Variants in SLC44A4 observed in about 807,000 individuals in gnomAD.
SLC44A4 encodes the protein solute carrier family 44 member 4.
In SLC44A4, 74 loss-of-function variants were observed where a neutral mutation model predicts 97.0. The observed-to-expected ratio is 0.76, with a 90% confidence interval of 0.63 to 0.93. The LOEUF (loss-of-function observed/expected upper bound fraction) is 0.93. Ranked by LOEUF, SLC44A4 falls within the 40% of genes least tolerant of loss-of-function variation. The pLI is 0.00. For missense variants in SLC44A4, 799 were observed against 902.9 expected (o/e 0.88, Z 1.48); for synonymous variants, 325 against 363.8 (o/e 0.89, Z 1.21).
At chr6:31,867,688 T>C (rs1342183696) in intron 13 of SLC44A4, among the ~76,000 whole-genome samples, 4 of 151,046 alleles carry the variant, frequency 2.6e-5, no homozygotes, top group Non-Finnish European at 5.9e-5. Context: ...ATCGCATCAC[T>C]GCACTCCAGC....
At chr6:31,875,131 GC>G in intron 4 of SLC44A4, 103 bp from the exon 5 acceptor site, 1 of 887,982 alleles carries the variant, frequency 1.1e-6, no homozygotes, top group Non-Finnish European at 1.8e-6. Context: ...GCCCAGCCCA[GC>G]GTGGCCCATA....
intron 20 of SLC44A4, 33 bp downstream of exon 20, chr6:31,864,619 G>A (rs1185476611): frequency 6.3e-7 from 1 of 1,589,664 alleles, no homozygotes; most frequent in Non-Finnish European, 8.6e-7. Context: ...AGTACTTTAA[G>A]GTTGGGGACA....
chr6:31,869,675 GCTGT>G, intron 11 of SLC44A4, 38 bp from the exon 12 acceptor site: 1 of 1,527,722 alleles, frequency 6.5e-7, no homozygotes, highest in Non-Finnish European at 8.9e-7. Context: ...CACCGCCCCA[GCTGT>G]CCATCTTCTC....
chr6:31,876,033 G>C lies in SLC44A4; in HGVS notation c.163+23C>G. On this transcript the variant is annotated intron_variant, in intron 3 of 20. Coordinates refer to ENST00000229729, the MANE Select transcript of SLC44A4 (RefSeq NM_025257.3). The surrounding 1 kb of genome is among the most constrained non-coding windows in gnomAD (Gnocchi z 4.8). ...TTCCTGTCCCTCACCCACTGCCCTGGCTCTGAGCAGCTGGAAACTCACCCA... is the reference window on the plus strand; with the variant it reads ...TTCCTGTCCCTCACCCACTGCCCTGCCTCTGAGCAGCTGGAAACTCACCCA... 1 of 1,613,704 alleles carries C rather than the reference G, an allele frequency of 6.2e-7. No individual in the cohort carries two copies. The highest frequency in any genetic ancestry group is 8.5e-7 in the Non-Finnish European group (1 of 1,179,688).
Position 31,876,211 on chromosome 6 carries a change from A to G in SLC44A4, c.90-82T>C, listed in dbSNP as rs1763437867. Reference sequence around the variant, plus strand: ...ATGGTCTGGAGGGGTTAAGGGTTAGAGAGTTGGGTGATGCTGCAGCATGGG... The same window carrying G: ...ATGGTCTGGAGGGGTTAAGGGTTAGGGAGTTGGGTGATGCTGCAGCATGGG... On this transcript the variant is annotated intron_variant, in intron 2 of 20. Coordinates refer to ENST00000229729, the MANE Select transcript of SLC44A4 (RefSeq NM_025257.3). The surrounding 1 kb of genome is among the most constrained non-coding windows in gnomAD (Gnocchi z 4.8). 2 of 1,075,760 alleles carry G rather than the reference A, an allele frequency of 1.9e-6. No individual in the cohort carries two copies. The highest frequency in any genetic ancestry group is 2.7e-6 in the Non-Finnish European group (2 of 737,548). 66.6% of individuals were successfully genotyped at this position (1,075,760 alleles called of 1,614,324 possible). A position where few individuals can be genotyped will look rare whatever the true frequency, so the allele number is the denominator to read the frequency against.
chr6:31,874,927 A>C lies in SLC44A4; in HGVS notation c.342+2T>G, dbSNP rs1180319132. On this transcript the variant is annotated splice_donor_variant, in intron 5 of 20. Transcript: ENST00000229729. LOFTEE classifies it high-confidence loss of function. This position sits in a 1 kb window ranked among gnomAD's most constrained non-coding sequence, Gnocchi z 4.8. ...GGGTAGAGGCAGGTCCCAGGCTCTGACCTGGGGTGTGGGGCACTGTAGGCC... is the reference window on the plus strand; with the variant it reads ...GGGTAGAGGCAGGTCCCAGGCTCTGCCCTGGGGTGTGGGGCACTGTAGGCC... 3.7e-6 allele frequency: 6 copies of C among 1,613,398 alleles called. No homozygotes were observed. The highest frequency in any genetic ancestry group is 5.1e-6 in the Non-Finnish European group (6 of 1,179,656).
Position 31,864,646 on chromosome 6 carries a change from A to G in SLC44A4, c.2011+6T>C, listed in dbSNP as rs1320693646. The G allele has an allele frequency of 5.0e-6, 8 of 1,613,378 alleles. No homozygotes were observed. The highest frequency in any genetic ancestry group is 6.8e-6 in the Non-Finnish European group (8 of 1,179,726). ...TTGGGGACAGGTGGCTGGGGGTGTC[A>G]CTCACGGAAGCAGAGGAAGAGCGTG... On this transcript the variant is annotated splice_donor_region_variant and intron_variant, in intron 20 of 20. Coordinates refer to ENST00000229729, the MANE Select transcript of SLC44A4 (RefSeq NM_025257.3).
chr6:31,871,513 GGGAGCGCCGGT>G lies in SLC44A4; in HGVS notation c.567_577del (p.Pro190ArgfsTer5). 6.2e-7 allele frequency: 1 copy of G among 1,613,924 alleles called. No individual in the cohort carries two copies. The highest frequency in any genetic ancestry group is 8.5e-7 in the Non-Finnish European group (1 of 1,179,898). On this transcript the variant is annotated frameshift_variant, in exon 8 of 21. Transcript: ENST00000229729. LOFTEE classifies it high-confidence loss of function. ...TATGGTGGTGTCATTGGTGATCCCT[GGGAGCGCCGGT>G]GGAGTAACGTTGGTCCATGGAAAGC...
rs772801407 is a variant in SLC44A4, at chr6:31,865,510, A to C, written c.1674T>G (p.Asn558Lys). The C allele has an allele frequency of 1.9e-6, 3 of 1,606,246 alleles. No homozygotes were observed. The South Asian group carries it at 3.3e-5, about 18-fold the overall frequency. Reference sequence around the variant, plus strand: ...CAGTGTAGCTCACCATGATGTATGCATTGCGGTTTAGGAACTTGATAAATT... The same window carrying C: ...CAGTGTAGCTCACCATGATGTATGCCTTGCGGTTTAGGAACTTGATAAATT... The part of the protein sequence containing the change: ...LEKFIKFLNR[N>K]AYIMIAIYGK... Residue 558 changes from asparagine to lysine, a missense_variant, in exon 16 of 21, where the codon AAT (asparagine) becomes AAG (lysine). By Grantham distance (94) the Asn-to-Lys change is moderately conservative (BLOSUM62 0). This residue lies in a region of SLC44A4 where 379 missense variants were observed against 438.3 expected (regional missense o/e 0.86). Coordinates refer to ENST00000229729, the MANE Select transcript of SLC44A4 (RefSeq NM_025257.3). The surrounding 1 kb of genome is among the most constrained non-coding windows in gnomAD (Gnocchi z 5.2).
intron 11 of SLC44A4, 145 bp from the exon 12 acceptor site, chr6:31,869,782 G>A (rs1235414993): frequency 2.5e-5 from 16 of 638,260 alleles, no homozygotes; most frequent in South Asian, 7.3e-5. Flanking sequence ...TCAGGAGATC[G>A]AGACCATGCT....
Position 31,864,807 on chromosome 6 carries a change from G to A in SLC44A4, c.1926+9C>T. 1.2e-6 allele frequency: 2 copies of A among 1,613,972 alleles called. No individual in the cohort carries two copies. Among genetic ancestry groups the A allele is most frequent in the Non-Finnish European group, 1.7e-6 (2 of 1,179,912 alleles). On this transcript the variant is annotated intron_variant, in intron 19 of 20. Transcript: ENST00000229729. ...TGGGGGTGGAGCAGCAGAGAGGGGA[G>A]TCACTCACCATGATGGGCAGCCAGT...
chr6:31,866,921 A>G (rs1762901576), intron 13 of SLC44A4, among the ~76,000 whole-genome samples: 1 of 151,840 alleles, frequency 6.6e-6, no homozygotes, highest in Non-Finnish European at 1.5e-5. Flanking sequence ...ATAGGTGAGG[A>G]TATAGATGAA....
chr6:31,868,009 GTT>G (rs1762955063), intron 13 of SLC44A4, among the ~76,000 whole-genome samples: 1 of 152,036 alleles, frequency 6.6e-6, no homozygotes, highest in Non-Finnish European at 1.5e-5. Flanking sequence ...GTGGAGACAG[GTT>G]TTTGTCATGT....
At position 31,864,848 on chromosome 6, in the gene SLC44A4, G is replaced by T. The variant is rs769999421; in HGVS notation, c.1894C>A (p.Pro632Thr). 4 of 1,614,068 alleles carry T rather than the reference G, an allele frequency of 2.5e-6. No individual in the cohort carries two copies. Among genetic ancestry groups the T allele is most frequent in the Non-Finnish European group, 3.4e-6 (4 of 1,179,992 alleles). The change falls in exon 19 of 21, where the codon CCC (proline) becomes ACC (threonine). Residue 632 changes from proline to threonine, a missense_variant. Transcript: ENST00000229729. ...GGCAGCCAGTAATAGTTGAGGTGGGGGCTCTTAAAGTCTTTACCCAGCCCC... is the reference window on the plus strand; with the variant it reads ...GGCAGCCAGTAATAGTTGAGGTGGGTGCTCTTAAAGTCTTTACCCAGCCCC... ...IPGLGKDFKSPHLNYYWLPIM... is the reference protein window; with the variant it reads ...IPGLGKDFKSTHLNYYWLPIM...
At position 31,868,575 on chromosome 6, in the gene SLC44A4, C is replaced by T. The variant is rs980495176; in HGVS notation, c.1233+580G>A. Among the ~76,000 whole-genome samples, 5 of 152,094 alleles carry T rather than the reference C, an allele frequency of 3.3e-5. No homozygotes were observed. The South Asian group carries it at 8.3e-4, about 25-fold the overall frequency. ...GGATTGCTTGGGTACCTGACTACAT[C>T]GGGGCAACCCCAGGAGTTCAAGACC... On this transcript the variant is annotated intron_variant, in intron 13 of 20. Coordinates refer to ENST00000229729, the MANE Select transcript of SLC44A4 (RefSeq NM_025257.3).
chr6:31,876,252 T>C lies in SLC44A4; in HGVS notation c.90-123A>G. 1.5e-6 allele frequency: 1 copy of C among 655,882 alleles called. No individual in the cohort carries two copies. Among genetic ancestry groups the C allele is most frequent in the African/African-American group, 1.8e-5 (1 of 54,288 alleles). 40.6% of individuals were successfully genotyped at this position (655,882 alleles called of 1,614,324 possible). The stretch of plus-strand genomic sequence containing the variant: ...GCAGCATGGGCATCAGTAGGCTTTA[T>C]TTTTATTTTTTTATTGCTTTTACTT... On this transcript the variant is annotated intron_variant, in intron 2 of 20. Transcript: ENST00000229729. This position sits in a 1 kb window ranked among gnomAD's most constrained non-coding sequence, Gnocchi z 4.8.
chr6:31,873,740 C>A (rs1441441393), intron 7 of SLC44A4, among the ~76,000 whole-genome samples: 1 of 151,530 alleles, frequency 6.6e-6, no homozygotes, highest in African/African-American at 2.4e-5. Context: ...AACATTTGAA[C>A]AAATATCCTT....
intron 13 of SLC44A4, 71 bp from the exon 14 acceptor site, chr6:31,866,197 T>C: frequency 6.5e-7 from 1 of 1,548,734 alleles, no homozygotes; most frequent in Non-Finnish European, 8.7e-7. Flanking sequence ...GGCGTCCCAT[T>C]CCCAGTAGCT....
chr6:31,869,192 CA>C lies in SLC44A4; in HGVS notation c.1195del (p.Cys399ValfsTer6). The part of the protein sequence containing the change: ...LWASNISSPG[C>X]EKVPINTSCN... ...TGATGTATTTATTGGCACTTTCTCA[CA>C]GCCGGGGGAGCTGATGTTGGATGCC... is the stretch of plus-strand genomic sequence containing the variant. On this transcript the variant is annotated frameshift_variant, in exon 13 of 21. Transcript: ENST00000229729. LOFTEE classifies it high-confidence loss of function. 6.2e-7 allele frequency: 1 copy of C among 1,610,972 alleles called. No homozygotes were observed. The highest frequency in any genetic ancestry group is 8.5e-7 in the Non-Finnish European group (1 of 1,179,068).
Sources: gnomAD v4.1 joint callset for allele counts (sites outside exome capture counted in the v4.1 genomes callset) on GRCh38, gnomAD v4.1.1 for gene constraint, gnomAD v4.1.1 regional missense constraint, Gnocchi (gnomAD v3.1) non-coding constraint, MANE v1.5 for transcripts, NCBI Gene and HGNC (gene_info 2026-07-23, HGNC 2026-07-21) for gene names.